Variants in ADAMTSL1 observed in about 807,000 individuals in gnomAD.
ADAMTSL1 encodes the protein ADAMTS like 1.
ADAMTSL1 carries 126 observed loss-of-function variants against 201.8 expected under a neutral mutation model. The ratio of observed to expected loss-of-function variants is 0.62; its 90% CI spans 0.54 to 0.72. ADAMTSL1 has a LOEUF of 0.72. Ranked by LOEUF, ADAMTSL1 falls within the 30% of genes least tolerant of loss-of-function variation. ADAMTSL1 has a pLI of 0.00. For synonymous variants in ADAMTSL1, 1,121 were observed against 903.4 expected (o/e 1.24, Z -4.32); for missense variants, 2,679 against 2,277.8 (o/e 1.18, Z -3.59).
intron 1 of ADAMTSL1, among the ~76,000 whole-genome samples, chr9:18,035,815 G>T (rs2131619657): frequency 6.6e-6 from 1 of 152,240 alleles, no homozygotes; most frequent in Middle Eastern, 3.4e-3. Flanking sequence ...GTAGTAGTAG[G>T]TGTTAGTAAG....
intron 19 of ADAMTSL1, among the ~76,000 whole-genome samples, chr9:18,782,825 C>T (rs1463505378): frequency 3.9e-5 from 6 of 152,090 alleles, no homozygotes; most frequent in East Asian, 1.9e-4. Context: ...AAAGGCAGTG[C>T]GAAAACCCTA....
intron 16 of ADAMTSL1, among the ~76,000 whole-genome samples, chr9:18,758,921 A>G (rs998703045): frequency 2.2e-4 from 33 of 152,160 alleles, no homozygotes; most frequent in African/African-American, 7.7e-4. Context: ...CTCTATATCT[A>G]ATATATCAAT....
intron 1 of ADAMTSL1, among the ~76,000 whole-genome samples, chr9:17,941,005 T>C (rs1827219386): frequency 6.6e-6 from 1 of 151,686 alleles, no homozygotes; most frequent in Non-Finnish European, 1.5e-5. Context: ...CTTCTGCAGC[T>C]ACAGGTTTTG....
At chr9:18,548,629 C>T (rs967042991) in intron 3 of ADAMTSL1, among the ~76,000 whole-genome samples, 4 of 152,014 alleles carry the variant, frequency 2.6e-5, no homozygotes, top group South Asian at 2.1e-4. Flanking sequence ...CTGTATTTCT[C>T]CCTAAGTGCA....
chr9:18,371,855 C>G lies in ADAMTSL1; in HGVS notation c.208-132974C>G, dbSNP rs145749993. ...GGGTAGATATGTTACATAAATAAAA[C>G]GAAGTTTCTTCCCTACAAGGGCTCT... is the stretch of plus-strand genomic sequence containing the variant. On this transcript the variant is annotated intron_variant, in intron 2 of 29. Coordinates refer to the ADAMTSL1 transcript ENST00000680146. 4.6e-5 allele frequency among the ~76,000 whole-genome samples: 7 copies of G among 152,210 alleles called. 1 individual carries two copies. The East Asian group carries it at 1.4e-3, about 29-fold the overall frequency.
At chr9:18,433,153 C>A (rs1447562778) in intron 2 of ADAMTSL1, among the ~76,000 whole-genome samples, 3 of 151,982 alleles carry the variant, frequency 2.0e-5, no homozygotes, top group Non-Finnish European at 4.4e-5. Flanking sequence ...CTTTTATAAA[C>A]CCTTCCCGTG....
intron 2 of ADAMTSL1, among the ~76,000 whole-genome samples, chr9:18,365,460 G>C (rs563069299): frequency 7.9e-5 from 12 of 152,124 alleles, no homozygotes; most frequent in Non-Finnish European, 1.6e-4. Context: ...TCAGAGTAGA[G>C]AGGACTCTGA....
chr9:18,367,375 A>AT lies in ADAMTSL1; in HGVS notation c.208-137441dup, dbSNP rs34948243. Among the ~76,000 whole-genome samples, 1,360 of 148,588 alleles carry AT rather than the reference A, an allele frequency of 9.2e-3. 21 individuals are homozygous for AT. The highest frequency in any genetic ancestry group is 0.03 in the African/African-American group (1,210 of 40,596). On this transcript the variant is annotated intron_variant, in intron 2 of 29. Transcript: ENST00000680146. Reference sequence around the variant, plus strand: ...AATCTTTTAGATAACAGAAGATAAGATTTTTTTTTTTTTCAGGGACATTTC... The same window carrying AT: ...AATCTTTTAGATAACAGAAGATAAGATTTTTTTTTTTTTTCAGGGACATTTC...
chr9:18,171,167 C>G (rs10963494), intron 2 of ADAMTSL1, among the ~76,000 whole-genome samples: 48,160 of 151,690 alleles, frequency 0.32, 7,824 homozygotes, highest in Admixed American at 0.4. Context: ...CGTAGATAGA[C>G]AAATAGAACA....
intron 4 of ADAMTSL1, among the ~76,000 whole-genome samples, chr9:18,589,359 G>A (rs1823758910): frequency 6.6e-6 from 1 of 151,908 alleles, no homozygotes; most frequent in African/African-American, 2.4e-5. Flanking sequence ...TTGCTTTCTT[G>A]ATTTATTTTT....
intron 1 of ADAMTSL1, among the ~76,000 whole-genome samples, chr9:18,144,739 G>C (rs1482582363): frequency 1.3e-5 from 2 of 152,140 alleles, no homozygotes; most frequent in Admixed American, 1.3e-4. Flanking sequence ...ATTAAGACTT[G>C]TAGGAATGAC....
chr9:18,195,135 T>C (rs1345034116), intron 2 of ADAMTSL1, among the ~76,000 whole-genome samples: 1 of 152,164 alleles, frequency 6.6e-6, no homozygotes, highest in Admixed American at 6.6e-5. Context: ...ATTATTTATA[T>C]TGTTTGTTTT....
intron 1 of ADAMTSL1, among the ~76,000 whole-genome samples, chr9:18,002,446 A>G (rs1353377022): frequency 6.6e-6 from 1 of 152,064 alleles, no homozygotes; most frequent in East Asian, 1.9e-4. Context: ...AGTGTAATAT[A>G]TGTAAAATAG....
chr9:18,268,589 A>G (rs530062817), intron 2 of ADAMTSL1, among the ~76,000 whole-genome samples: 12 of 152,158 alleles, frequency 7.9e-5, no homozygotes, highest in Admixed American at 7.9e-4. Flanking sequence ...ACTCCGGGGA[A>G]TATGTTCTTC....
intron 1 of ADAMTSL1, among the ~76,000 whole-genome samples, chr9:18,016,937 T>A (rs1311658180): frequency 6.6e-6 from 1 of 151,978 alleles, no homozygotes; most frequent in Non-Finnish European, 1.5e-5. Context: ...CTGGGGGAGA[T>A]AACACCATAC....
At position 18,630,995 on chromosome 9, in the gene ADAMTSL1, C is replaced by G. The variant is rs202045059; in HGVS notation, c.602-4948C>G. Among the ~76,000 whole-genome samples, 26 of 152,196 alleles carry G rather than the reference C, an allele frequency of 1.7e-4. No individual in the cohort carries two copies. The East Asian group carries it at 3.5e-3, about 20-fold the overall frequency. Reference sequence around the variant, plus strand: ...ACTCATTTTGTGAGTTTGATACTGGCTGTTTTGATGTTAGCACCTGTGTAG... The same window carrying G: ...ACTCATTTTGTGAGTTTGATACTGGGTGTTTTGATGTTAGCACCTGTGTAG... On this transcript the variant is annotated intron_variant, in intron 5 of 28. Transcript: ENST00000380548.
chr9:18,012,833 G>GA (rs1820108701), intron 1 of ADAMTSL1, among the ~76,000 whole-genome samples: 1 of 151,804 alleles, frequency 6.6e-6, no homozygotes, highest in Non-Finnish European at 1.5e-5. Flanking sequence ...GAAATGAGAA[G>GA]AAAAAATAAA....
intron 21 of ADAMTSL1, among the ~76,000 whole-genome samples, chr9:18,819,116 A>G (rs1300847169): frequency 6.6e-6 from 1 of 152,134 alleles, no homozygotes; most frequent in Non-Finnish European, 1.5e-5. Context: ...GATATGATGG[A>G]CCATGTTGTG....
intron 2 of ADAMTSL1, among the ~76,000 whole-genome samples, chr9:18,460,567 G>C (rs1335265886): frequency 6.6e-6 from 1 of 152,114 alleles, no homozygotes; most frequent in Non-Finnish European, 1.5e-5. Context: ...ATTTAATAGG[G>C]GGGAAATGAA....
Sources: allele counts gnomAD v4.1 joint callset (sites outside exome capture counted in the v4.1 genomes callset), GRCh38; gene constraint gnomAD v4.1.1; transcripts MANE v1.5; gene names NCBI Gene and HGNC (gene_info 2026-07-23, HGNC 2026-07-21).